Variants in KIF16B observed in about 807,000 individuals in gnomAD.
KIF16B encodes the protein kinesin-like protein KIF16B.
A neutral mutation model predicts 156.3 loss-of-function variants in KIF16B; 98 were observed. That is an observed-to-expected ratio of 0.63 (90% CI 0.53 to 0.74). KIF16B has a LOEUF of 0.74. KIF16B is among the 30% of genes least tolerant of loss of function. The pLI is 0.00. For missense variants in KIF16B, 1,421 were observed against 1,606.5 expected (o/e 0.88, Z 1.97); for synonymous variants, 564 against 583.7 (o/e 0.97, Z 0.49).
rs2062998910 is a variant in KIF16B at position 16,272,487 on chromosome 20, T to G, written c.*766A>C. ...ATATGCATTTAGCTTTGCGTTCATT[T>G]TGTGCTTAGCAGAAAAAGCTCAAGA... is the stretch of plus-strand genomic sequence containing the variant. On this transcript the variant is annotated 3_prime_UTR_variant, in exon 26 of 26. Coordinates refer to ENST00000354981, the MANE Select transcript of KIF16B (RefSeq NM_024704.5). 6.6e-6 allele frequency: 1 copy of G among 152,630 alleles called. No individual in the cohort carries two copies. The highest frequency in any genetic ancestry group is 1.5e-5 in the Non-Finnish European group (1 of 68,026). The allele number at this position is 152,630 out of a possible 1,614,324, so 9.5% of individuals were successfully genotyped here. A position where few individuals can be genotyped will look rare whatever the true frequency, so the allele number is the denominator to read the frequency against.
rs369417355 is a variant in KIF16B at position 16,452,679 on chromosome 20, C to A, written c.1303-22697G>T. Among the ~76,000 whole-genome samples, 519 of 151,748 alleles carry A rather than the reference C, an allele frequency of 3.4e-3. 3 individuals carry two copies. The highest frequency in any genetic ancestry group is 0.011 in the African/African-American group (470 of 41,408). On this transcript the variant is annotated intron_variant, in intron 12 of 25. Coordinates refer to ENST00000354981, the MANE Select transcript of KIF16B (RefSeq NM_024704.5). ...TGGAACCCCGTCTCTACTAAAAATA[C>A]AAAAAATTAGCTGGGCGTGGTGGTG...
chr20:16,302,652 T>TTCA (rs1170904750), intron 25 of KIF16B, among the ~76,000 whole-genome samples: 2 of 152,224 alleles, frequency 1.3e-5, no homozygotes, highest in Non-Finnish European at 2.9e-5. Flanking sequence ...GGAATACCTC[T>TTCA]TCATTAGTTT....
At chr20:16,423,171 G>A (rs1278675284) in intron 15 of KIF16B, among the ~76,000 whole-genome samples, 1 of 152,002 alleles carries the variant, frequency 6.6e-6, no homozygotes, top group Non-Finnish European at 1.5e-5. Flanking sequence ...GAAGAAAAAA[G>A]TTGGAGCTAC....
At chr20:16,378,215 GA>G in intron 19 of KIF16B, among the ~76,000 whole-genome samples, 1 of 152,166 alleles carries the variant, frequency 6.6e-6, no homozygotes, top group African/African-American at 2.4e-5. Context: ...TCATTAGTAA[GA>G]AAGGGCAGGG....
At chr20:16,571,496 A>G (rs758827046) in intron 1 of KIF16B, among the ~76,000 whole-genome samples, 3 of 152,130 alleles carry the variant, frequency 2.0e-5, no homozygotes, top group Non-Finnish European at 4.4e-5. Context: ...TTCCTGTCCC[A>G]GCAGGCCCAA....
chr20:16,401,141 T>C (rs1470092176), intron 17 of KIF16B, among the ~76,000 whole-genome samples: 1 of 152,190 alleles, frequency 6.6e-6, no homozygotes, highest in Non-Finnish European at 1.5e-5. Flanking sequence ...CAATGAATAA[T>C]GCAAGGGGTA....
chr20:16,297,749 A>G (rs2063412370), intron 25 of KIF16B, among the ~76,000 whole-genome samples: 1 of 151,516 alleles, frequency 6.6e-6, no homozygotes, highest in Non-Finnish European at 1.5e-5. Flanking sequence ...TGTCCATACC[A>G]ATTTCATCAC....
At chr20:16,293,299 T>C (rs1387486303) in intron 25 of KIF16B, among the ~76,000 whole-genome samples, 1 of 152,124 alleles carries the variant, frequency 6.6e-6, no homozygotes, top group Non-Finnish European at 1.5e-5. Flanking sequence ...TCTATGGGTT[T>C]TTGGTAGGGG....
chr20:16,410,124 T>TGTTG (rs2146302385), intron 15 of KIF16B, among the ~76,000 whole-genome samples: 3 of 139,968 alleles, frequency 2.1e-5, no homozygotes, highest in African/African-American at 7.9e-5. Flanking sequence ...CATATATATA[T>TGTTG]GTAGGTACAT....
chr20:16,414,321 G>C (rs2066033125), intron 15 of KIF16B, among the ~76,000 whole-genome samples: 1 of 152,068 alleles, frequency 6.6e-6, no homozygotes, highest in Non-Finnish European at 1.5e-5. Context: ...GCGAATGAAT[G>C]ACAGGCACTC....
At chr20:16,497,519 A>G in intron 11 of KIF16B, 94 bp downstream of exon 11, 2 of 944,122 alleles carry the variant, frequency 2.1e-6, no homozygotes, top group Admixed American at 2.1e-5. Context: ...ATAAAGAAAA[A>G]GAAGGCATCT....
chr20:16,508,012 C>A lies in KIF16B; in HGVS notation c.645G>T (p.Gly215=). 1.2e-6 allele frequency: 2 copies of A among 1,614,156 alleles called. No individual in the cohort carries two copies. The highest frequency in any genetic ancestry group is 1.1e-5 in the South Asian group (1 of 91,086). ...GAGACCTGCTACTGACGTCGTTCAT[C>A]CCAGTCGCTGCGGTGGTCCGGTTGA... ...GNINRTTAAT[G]MNDVSSRSHA... Residue 215 remains glycine (G), a synonymous_variant, in exon 7 of 26, where the codon GGG becomes GGT. Coordinates refer to ENST00000354981, the MANE Select transcript of KIF16B (RefSeq NM_024704.5).
chr20:16,499,020 G>T (rs551412403), intron 10 of KIF16B, among the ~76,000 whole-genome samples: 1 of 152,024 alleles, frequency 6.6e-6, no homozygotes, highest in Non-Finnish European at 1.5e-5. Context: ...ATAAGCGTTC[G>T]TCTTGGTAGG....
intron 17 of KIF16B, among the ~76,000 whole-genome samples, chr20:16,397,681 A>C (rs942598328): frequency 6.6e-5 from 10 of 152,236 alleles, no homozygotes; most frequent in African/African-American, 2.4e-4. Flanking sequence ...TTTTTCAGTC[A>C]ATTGCAAAAA....
intron 17 of KIF16B, among the ~76,000 whole-genome samples, chr20:16,390,666 G>A (rs1467542346): frequency 3.9e-5 from 6 of 152,036 alleles, no homozygotes; most frequent in African/African-American, 1.2e-4. Flanking sequence ...ACCAAACCAT[G>A]GTACTTTTTA....
chr20:16,301,188 A>G (rs571704496), intron 25 of KIF16B, among the ~76,000 whole-genome samples: 2 of 152,374 alleles, frequency 1.3e-5, no homozygotes, highest in Admixed American at 6.5e-5. Context: ...TTAGTGCTAC[A>G]TAACATTCTA....
chr20:16,300,064 G>A (rs1294488494), intron 25 of KIF16B, among the ~76,000 whole-genome samples: 4 of 152,098 alleles, frequency 2.6e-5, no homozygotes, highest in East Asian at 1.9e-4. Context: ...TGTTCCATGC[G>A]GCCTCTCACC....
intron 1 of KIF16B, among the ~76,000 whole-genome samples, chr20:16,570,593 T>G (rs948653138): frequency 6.6e-6 from 1 of 152,200 alleles, no homozygotes; most frequent in Non-Finnish European, 1.5e-5. Flanking sequence ...GTTGCCAATT[T>G]ATATATCTCT....
intron 25 of KIF16B, among the ~76,000 whole-genome samples, chr20:16,296,623 A>G (rs2063390583): frequency 6.6e-6 from 1 of 152,160 alleles, no homozygotes; most frequent in Non-Finnish European, 1.5e-5. Context: ...GAGATGACAG[A>G]TGTTACCAGT....
Sources: gnomAD v4.1 joint callset for allele counts (sites outside exome capture counted in the v4.1 genomes callset) on GRCh38, gnomAD v4.1.1 for gene constraint, MANE v1.5 for transcripts, NCBI Gene and HGNC (gene_info 2026-07-23, HGNC 2026-07-21) for gene names.